NELL1: variants seen among roughly 807,000 people sequenced by gnomAD.
NELL1 encodes protein kinase C-binding protein NELL1.
A neutral mutation model predicts 107.4 loss-of-function variants in NELL1; 76 were observed. The ratio of observed to expected loss-of-function variants is 0.71; its 90% CI spans 0.59 to 0.86. The LOEUF is 0.86. Ranked by LOEUF, NELL1 falls within the 40% of genes least tolerant of loss-of-function variation. The probability of loss-of-function intolerance (pLI) is 0.00; values close to 1 mark genes in which losing one functional copy is unlikely to be tolerated. For missense variants in NELL1, 1,024 were observed against 1,005.5 expected, an observed-to-expected ratio of 1.02 and a Z score of -0.25; for synonymous variants, 353 against 341.2, an observed-to-expected ratio of 1.03 and a Z score of -0.38.
intron 14 of NELL1, among the ~76,000 whole-genome samples, chr11:21,239,327 A>G (rs991016662): frequency 6.6e-6 from 1 of 152,014 alleles, no homozygotes; most frequent in Non-Finnish European, 1.5e-5. Context: ...TATATTTCCC[A>G]TCATACCTAT....
chr11:21,195,914 T>C (rs1372130716), intron 13 of NELL1, among the ~76,000 whole-genome samples: 1 of 152,226 alleles, frequency 6.6e-6, no homozygotes, highest in Non-Finnish European at 1.5e-5. Flanking sequence ...AGGCAAGTAA[T>C]ACTATTTTTC....
At position 21,371,075 on chromosome 11, in the gene NELL1, G is replaced by T. The variant is rs1163547681; in HGVS notation, c.1645+127G>T. ...CTTGATACATTGTGTTGTGACGGTG[G>T]ATGGAGCTCTCCCAAAGTGGGTACC... On this transcript the variant is annotated intron_variant, in intron 15 of 19. Coordinates refer to ENST00000357134, the MANE Select transcript of NELL1 (RefSeq NM_006157.5). 5.8e-6 allele frequency: 4 copies of T among 692,092 alleles called. No individual in the cohort carries two copies. The Admixed American group carries it at 9.4e-5, about 16-fold the overall frequency. 42.9% of individuals were successfully genotyped at this position (692,092 alleles called of 1,614,324 possible). A position where few individuals can be genotyped will look rare whatever the true frequency, so the allele number is the denominator to read the frequency against.
chr11:20,949,239 C>T (rs573656803), intron 11 of NELL1, among the ~76,000 whole-genome samples: 1 of 152,256 alleles, frequency 6.6e-6, no homozygotes, highest in East Asian at 1.9e-4. Flanking sequence ...TCAGCTTAGG[C>T]TTTCTGTGTT....
intron 17 of NELL1, among the ~76,000 whole-genome samples, chr11:21,562,546 C>T (rs578161085): frequency 1.1e-4 from 16 of 152,098 alleles, no homozygotes; most frequent in Admixed American, 6.6e-4. Flanking sequence ...TGTAAGTCAC[C>T]ATTATAAAAT....
intron 2 of NELL1, among the ~76,000 whole-genome samples, chr11:20,730,443 G>T (rs1285729245): frequency 1.3e-5 from 2 of 152,130 alleles, no homozygotes; most frequent in Non-Finnish European, 2.9e-5. Flanking sequence ...TAAGTCCATT[G>T]TATTTCATTC....
At chr11:21,569,157 T>A (rs77878969) in intron 17 of NELL1, among the ~76,000 whole-genome samples, 1,579 of 151,824 alleles carry the variant, frequency 0.01, 28 homozygotes, top group African/African-American at 0.036. Flanking sequence ...AAGACCACCT[T>A]TTGTATGTGT....
At position 21,370,887 on chromosome 11, in the gene NELL1, G is replaced by A. The variant is rs144770031; in HGVS notation, c.1584G>A (p.Thr528=). The A allele has an allele frequency of 2.1e-4, 343 of 1,611,818 alleles. No individual in the cohort carries two copies. The highest frequency in any genetic ancestry group is 1.5e-3 in the South Asian group (137 of 90,786). Residue 528 remains threonine (T), a synonymous_variant, in exon 15 of 20, where the codon ACG becomes ACA. Transcript: ENST00000357134. ...FCEEGCRYGG[T]CVAPNKCVCP... is the part of the protein sequence containing the mutation. The stretch of plus-strand genomic sequence containing the variant: ...AAGAGGGCTGCAGATACGGTGGAAC[G>A]TGTGTGGCTCCCAACAAATGTGTCT...
rs138024111 is a variant in NELL1 at position 21,447,952 on chromosome 11, C to A, written c.1645+77004C>A. 1.3e-3 allele frequency among the ~76,000 whole-genome samples: 191 copies of A among 152,288 alleles called. 3 individuals carry two copies. In the East Asian group the frequency reaches 0.031, roughly 25 times the overall value. On this transcript the variant is annotated intron_variant, in intron 15 of 19. Transcript: ENST00000357134. ...CTTTGGCTGGGCTAATCTAAATGCT[C>A]TTTCCATGGGTGCCATCTGAGTTCT... is the stretch of plus-strand genomic sequence containing the variant.
chr11:21,441,889 T>C (rs1853294936), intron 15 of NELL1, among the ~76,000 whole-genome samples: 1 of 152,170 alleles, frequency 6.6e-6, no homozygotes, highest in Admixed American at 6.5e-5. Flanking sequence ...CCTGACTTCA[T>C]GGAATATATA....
intron 2 of NELL1, among the ~76,000 whole-genome samples, chr11:20,754,313 A>G (rs1280605447): frequency 1.3e-5 from 2 of 152,222 alleles, no homozygotes; most frequent in African/African-American, 2.4e-5. Context: ...TGTTGATAAT[A>G]TAGTTAGGCA....
At chr11:21,485,584 G>A (rs1342749818) in intron 15 of NELL1, among the ~76,000 whole-genome samples, 3 of 151,820 alleles carry the variant, frequency 2.0e-5, no homozygotes, top group Non-Finnish European at 2.9e-5. Flanking sequence ...GCGAGCTGCT[G>A]TAGGACCGAG....
chr11:20,765,637 G>T (rs1229642972), intron 2 of NELL1, among the ~76,000 whole-genome samples: 1 of 152,130 alleles, frequency 6.6e-6, no homozygotes, highest in East Asian at 1.9e-4. Context: ...GAGACCCTAA[G>T]GCAGGAAGGA....
chr11:21,234,816 A>G (rs1472768206), intron 14 of NELL1, among the ~76,000 whole-genome samples: 1 of 152,242 alleles, frequency 6.6e-6, no homozygotes, highest in African/African-American at 2.4e-5. Context: ...GTGACAGATC[A>G]TGCTAAAGAT....
chr11:20,929,004 G>T (rs117169517), intron 9 of NELL1, among the ~76,000 whole-genome samples: 7,803 of 152,228 alleles, frequency 0.051, 281 homozygotes, highest in Non-Finnish European at 0.071. Flanking sequence ...TGTGCTGGAT[G>T]CTTTAAATCT....
At chr11:20,887,090 G>T (rs988321028) in intron 5 of NELL1, among the ~76,000 whole-genome samples, 2 of 152,108 alleles carry the variant, frequency 1.3e-5, no homozygotes, top group Non-Finnish European at 2.9e-5. Flanking sequence ...TTATATAAAT[G>T]GAATCATTTA....
chr11:21,551,998 G>T, intron 16 of NELL1, among the ~76,000 whole-genome samples: 1 of 146,562 alleles, frequency 6.8e-6, no homozygotes, highest in African/African-American at 2.5e-5. Context: ...GGACATGGAT[G>T]AAATTGGAAA....
chr11:20,798,237 AT>A (rs559766205), intron 3 of NELL1, among the ~76,000 whole-genome samples: 6 of 152,212 alleles, frequency 3.9e-5, no homozygotes, highest in Non-Finnish European at 7.3e-5. Flanking sequence ...ATTAAGTAAA[AT>A]TTAAATCTTC....
chr11:21,499,696 G>C (rs1855085901), intron 15 of NELL1, among the ~76,000 whole-genome samples: 1 of 152,046 alleles, frequency 6.6e-6, no homozygotes, highest in Admixed American at 6.6e-5. Context: ...TAGGGAGAGA[G>C]GATTTAATCC....
chr11:21,283,273 T>C (rs1466768606), intron 14 of NELL1, among the ~76,000 whole-genome samples: 2 of 152,160 alleles, frequency 1.3e-5, no homozygotes, highest in African/African-American at 4.8e-5. Context: ...AAATGTCTCA[T>C]AGCAATCTAT....
Sources: allele counts gnomAD v4.1 joint callset (sites outside exome capture counted in the v4.1 genomes callset), GRCh38; gene constraint gnomAD v4.1.1; transcripts MANE v1.5; gene names NCBI Gene and HGNC (gene_info 2026-07-23, HGNC 2026-07-21).